PGAP1: variants seen among roughly 807,000 people sequenced by gnomAD.
PGAP1 encodes GPI inositol-deacylase.
Under a neutral mutation model 127.0 loss-of-function variants are expected in PGAP1, and 76 were observed. The ratio of observed to expected loss-of-function variants is 0.60; its 90% CI spans 0.50 to 0.72. The LOEUF (loss-of-function observed/expected upper bound fraction) is 0.72. Among genes scored for constraint, PGAP1 ranks in the 30% least tolerant of loss-of-function variants. PGAP1 has a pLI of 0.00. For synonymous variants in PGAP1, 362 were observed against 366.5 expected, an observed-to-expected ratio of 0.99 and a Z score of 0.14; for missense variants, 982 against 1,071.3, an observed-to-expected ratio of 0.92 and a Z score of 1.16.
At chr2:196,843,350 T>C (rs974615503) in intron 25 of PGAP1, among the ~76,000 whole-genome samples, 2 of 152,164 alleles carry the variant, frequency 1.3e-5, no homozygotes, top group African/African-American at 4.8e-5. Context: ...GGAACAGATA[T>C]AAAAGAAGGA....
chr2:196,912,580 TAAAAAAAAAAAA>T (rs531959600), intron 4 of PGAP1, among the ~76,000 whole-genome samples: 3 of 82,480 alleles, frequency 3.6e-5, no homozygotes, highest in African/African-American at 1.3e-4. Context: ...ACCCTGTCTT[TAAAAAAAAAAAA>T]AAAAAAAAAA....
chr2:196,864,047 T>C (rs577176208), intron 20 of PGAP1, among the ~76,000 whole-genome samples: 1 of 152,182 alleles, frequency 6.6e-6, no homozygotes, highest in East Asian at 1.9e-4. Context: ...ACCCCATAAA[T>C]AGGTACAATT....
intron 9 of PGAP1, among the ~76,000 whole-genome samples, chr2:196,892,074 C>G (rs551952845): frequency 6.6e-6 from 1 of 151,814 alleles, no homozygotes; most frequent in East Asian, 1.9e-4. Flanking sequence ...AGAAAGTCTT[C>G]CAGATTAAAA....
Position 196,887,967 on chromosome 2 carries a change from G to A in PGAP1, c.1174-2087C>T, listed in dbSNP as rs80218816. On this transcript the variant is annotated intron_variant, in intron 10 of 26. Transcript: ENST00000354764. Reference sequence around the variant, plus strand: ...AAAGGGTTTTTGCCGCTACTAAGAAGGGGCCTATCCTCAAAGGTAACCCTC... The same window carrying A: ...AAAGGGTTTTTGCCGCTACTAAGAAAGGGCCTATCCTCAAAGGTAACCCTC... Among the ~76,000 whole-genome samples the A allele has an allele frequency of 8.0e-3, 1,219 of 152,232 alleles. 18 individuals carry two copies. Among genetic ancestry groups the A allele is most frequent in the African/African-American group, 0.027 (1,122 of 41,522 alleles).
intron 16 of PGAP1, among the ~76,000 whole-genome samples, 163 bp downstream of exon 16, chr2:196,873,365 T>C (rs1182055072): frequency 6.6e-6 from 1 of 152,112 alleles, no homozygotes; most frequent in Non-Finnish European, 1.5e-5. Context: ...AGAAAGGGTC[T>C]ATGTTAAATC....
intron 19 of PGAP1, among the ~76,000 whole-genome samples, chr2:196,869,632 C>T (rs919688164): frequency 2.6e-4 from 39 of 152,306 alleles, no homozygotes; most frequent in African/African-American, 8.2e-4. Flanking sequence ...CCGCACCCGG[C>T]CCAACATTTT....
At chr2:196,862,717 CG>C (rs1701108371) in intron 20 of PGAP1, among the ~76,000 whole-genome samples, 1 of 152,140 alleles carries the variant, frequency 6.6e-6, no homozygotes, top group African/African-American at 2.4e-5. Flanking sequence ...AAAGAACCTA[CG>C]TGACTATCGG....
chr2:196,904,917 C>A (rs1011731618), intron 4 of PGAP1, among the ~76,000 whole-genome samples: 1 of 152,058 alleles, frequency 6.6e-6, no homozygotes, highest in Non-Finnish European at 1.5e-5. Flanking sequence ...TATTGAAAGG[C>A]AGTATTTTCA....
chr2:196,844,144 T>C, intron 24 of PGAP1, 69 bp from the exon 25 acceptor site: 1 of 889,352 alleles, frequency 1.1e-6, no homozygotes, highest in Non-Finnish European at 1.6e-6. Context: ...AGAATCATAC[T>C]CATTACTTAT....
At chr2:196,878,392 T>C (rs1701628890) in intron 13 of PGAP1, among the ~76,000 whole-genome samples, 1 of 152,194 alleles carries the variant, frequency 6.6e-6, no homozygotes, top group Non-Finnish European at 1.5e-5. Flanking sequence ...TCTCACCACA[T>C]GAGGTCAGGG....
In PGAP1 at chr2:196,839,947, A is replaced by C. The variant is rs1450839756; in HGVS notation, c.*1287T>G. On this transcript the variant is annotated 3_prime_UTR_variant, in exon 27 of 27. Transcript: ENST00000354764. ...GAGGATTTGGGCATTTACAGTCTACACATCTAGAAGAACTCTATAAGCCGG... is the reference window on the plus strand; with the variant it reads ...GAGGATTTGGGCATTTACAGTCTACCCATCTAGAAGAACTCTATAAGCCGG... 6.6e-6 allele frequency: 1 copy of C among 152,240 alleles called. No homozygotes were observed. Among genetic ancestry groups the C allele is most frequent in the Admixed American group, 6.5e-5 (1 of 15,288 alleles). 9.4% of individuals were successfully genotyped at this position (152,240 alleles called of 1,614,324 possible).
intron 3 of PGAP1, 32 bp downstream of exon 3, chr2:196,916,386 C>T (rs912074161): frequency 7.8e-6 from 12 of 1,531,930 alleles, no homozygotes; most frequent in Non-Finnish European, 1.1e-5. Flanking sequence ...CGATAGGTTG[C>T]ACCACTATTG....
intron 12 of PGAP1, among the ~76,000 whole-genome samples, chr2:196,884,544 T>C (rs1252305968): frequency 7.2e-5 from 11 of 152,206 alleles, no homozygotes; most frequent in Non-Finnish European, 1.3e-4. Flanking sequence ...TCTGTTAGCA[T>C]AAGTTTCTCA....
At position 196,873,037 on chromosome 2, in the gene PGAP1, A is replaced by G; in HGVS notation, c.1553-11T>C. On this transcript the variant is annotated splice_polypyrimidine_tract_variant and intron_variant, in intron 16 of 26. Coordinates refer to ENST00000354764, the MANE Select transcript of PGAP1 (RefSeq NM_024989.4). The stretch of plus-strand genomic sequence containing the variant: ...TACTGGTTATTTCTTCTGTTAAAAC[A>G]TTTAAAAAATGTATTATTAACAACA... 1 of 771,666 alleles carries G rather than the reference A, an allele frequency of 1.3e-6. No individual in the cohort carries two copies. The highest frequency in any genetic ancestry group is 2.1e-6 in the Non-Finnish European group (1 of 467,018). 47.8% of individuals were successfully genotyped at this position (771,666 alleles called of 1,614,324 possible).
intron 10 of PGAP1, among the ~76,000 whole-genome samples, chr2:196,887,697 T>C (rs1701963787): frequency 6.6e-6 from 1 of 152,240 alleles, no homozygotes; most frequent in South Asian, 2.1e-4. Context: ...ACATAGTCTC[T>C]GCTCTCATTC....
chr2:196,868,766 A>G lies in PGAP1; in HGVS notation c.1767+2175T>C, dbSNP rs565689858. Among the ~76,000 whole-genome samples, 12 of 152,316 alleles carry G rather than the reference A, an allele frequency of 7.9e-5. No homozygotes were observed. In the South Asian group the frequency reaches 2.5e-3, roughly 32 times the overall value. ...AAAAAATTTAACTTTATGAAAAGTTATCTATTGAAGGCTGAAGTTTCTCTT... is the reference window on the plus strand; with the variant it reads ...AAAAAATTTAACTTTATGAAAAGTTGTCTATTGAAGGCTGAAGTTTCTCTT... On this transcript the variant is annotated intron_variant, in intron 19 of 26. Coordinates refer to ENST00000354764, the MANE Select transcript of PGAP1 (RefSeq NM_024989.4).
chr2:196,875,565 A>G (rs1213516065), intron 14 of PGAP1, among the ~76,000 whole-genome samples, 181 bp downstream of exon 14: 1 of 152,124 alleles, frequency 6.6e-6, no homozygotes. Flanking sequence ...TGATTATGGA[A>G]GTTCACTTCT....
At chr2:196,916,638 G>C in intron 2 of PGAP1, 45 bp from the exon 3 acceptor site, 1 of 1,491,710 alleles carries the variant, frequency 6.7e-7, no homozygotes, top group Non-Finnish European at 9.0e-7. Flanking sequence ...ATATTTACAG[G>C]TTTCATCCAT....
At chr2:196,881,903 T>C (rs1165216801) in intron 12 of PGAP1, among the ~76,000 whole-genome samples, 1 of 151,790 alleles carries the variant, frequency 6.6e-6, no homozygotes, top group Non-Finnish European at 1.5e-5. Context: ...GCTTTTGGTA[T>C]CAACATCATG....
Sources: allele counts gnomAD v4.1 joint callset (sites outside exome capture counted in the v4.1 genomes callset), GRCh38; gene constraint gnomAD v4.1.1; transcripts MANE v1.5; gene names NCBI Gene and HGNC (gene_info 2026-07-23, HGNC 2026-07-21).